Variants in SEPTIN5 observed in about 807,000 individuals in gnomAD.
The protein encoded by SEPTIN5 is septin-5.
In SEPTIN5, 16 loss-of-function variants were observed where a neutral mutation model predicts 51.2. That is an observed-to-expected ratio of 0.31 (90% CI 0.21 to 0.47). SEPTIN5 has a LOEUF of 0.47. Ranked by LOEUF, SEPTIN5 falls within the 20% of genes least tolerant of loss-of-function variation. The pLI is 0.99. For missense variants in SEPTIN5, 376 were observed against 500.3 expected (o/e 0.75, Z 2.37); for synonymous variants, 208 against 191.2 (o/e 1.09, Z -0.72).
chr22:19,721,533 T>C, intron 8 of SEPTIN5, 107 bp from the exon 9 acceptor site: 2 of 1,185,560 alleles, frequency 1.7e-6, no homozygotes, highest in South Asian at 2.7e-5. Context: ...GGAGAGATAG[T>C]TGATGGTGAT....
At chr22:19,718,715 C>T in intron 2 of SEPTIN5, 1 of 1,254,072 alleles carries the variant, frequency 8.0e-7, no homozygotes, top group Non-Finnish European at 1.0e-6. Context: ...GAGCGTGCCC[C>T]CGGGCCTGGG....
At position 19,722,626 on chromosome 22, in the gene SEPTIN5, A is replaced by AT; in HGVS notation, c.*144dup. 1 of 893,234 alleles carries AT rather than the reference A, an allele frequency of 1.1e-6. No individual in the cohort carries two copies. The highest frequency in any genetic ancestry group is 1.7e-6 in the Non-Finnish European group (1 of 580,658). 55.3% of individuals were successfully genotyped at this position (893,234 alleles called of 1,614,324 possible). A position where few individuals can be genotyped will look rare whatever the true frequency, so the allele number is the denominator to read the frequency against. On this transcript the variant is annotated 3_prime_UTR_variant, in exon 12 of 12. Transcript: ENST00000455784. ...TCTCAGCACCACCCCCTCCCAGGTC[A>AT]TTGTGTCTGTTTCCGAGGGGCCTGG... is the stretch of plus-strand genomic sequence containing the variant.
Position 19,722,556 on chromosome 22 carries a change from G to A in SEPTIN5, c.*72G>A, listed in dbSNP as rs534742584. ...CTGGACACCAGACCGGACTGTTCCC[G>A]ACCCGGAGACGCGGGGCCACAGCCC... On this transcript the variant is annotated 3_prime_UTR_variant, in exon 12 of 12. Transcript: ENST00000455784. 1.3e-5 allele frequency: 20 copies of A among 1,489,696 alleles called. No homozygotes were observed. Among genetic ancestry groups the A allele is most frequent in the Non-Finnish European group, 3.7e-6 (4 of 1,094,676 alleles). The allele number at this position is 1,489,696 out of a possible 1,614,324, so 92.3% of individuals were successfully genotyped here. A position where few individuals can be genotyped will look rare whatever the true frequency, so the allele number is the denominator to read the frequency against.
At chr22:19,719,721 GGGA>G in intron 3 of SEPTIN5, 23 bp downstream of exon 3, 1 of 1,612,254 alleles carries the variant, frequency 6.2e-7, no homozygotes, top group Non-Finnish European at 8.5e-7. Flanking sequence ...GGCTCCTCGG[GGGA>G]GTGGCTGGGG....
Position 19,720,929 on chromosome 22 carries a change from G to A in SEPTIN5, c.717+60G>A, listed in dbSNP as rs1601243450. The A allele has an allele frequency of 1.7e-5, 25 of 1,453,194 alleles. No homozygotes were observed. In the East Asian group the frequency reaches 5.5e-4, roughly 32 times the overall value. 90.0% of individuals were successfully genotyped at this position (1,453,194 alleles called of 1,614,324 possible). The stretch of plus-strand genomic sequence containing the variant: ...AGCTGGTGAGGGGCAGAACCAGAGG[G>A]CTTTGTCTCCTTCACATTGAGCCTG... On this transcript the variant is annotated intron_variant, in intron 8 of 11. Coordinates refer to ENST00000455784, the MANE Select transcript of SEPTIN5 (RefSeq NM_002688.6).
chr22:19,721,803 A>G lies in SEPTIN5; in HGVS notation c.815-19A>G. Reference sequence around the variant, plus strand: ...TGTCCTGGGCCGGCGCCAGCCCACTACCCACCCCCACCCCGCAGTGGAGAA... The same window carrying G: ...TGTCCTGGGCCGGCGCCAGCCCACTGCCCACCCCCACCCCGCAGTGGAGAA... On this transcript the variant is annotated intron_variant, in intron 9 of 11. Coordinates refer to ENST00000455784, the MANE Select transcript of SEPTIN5 (RefSeq NM_002688.6). The G allele has an allele frequency of 1.9e-6, 3 of 1,561,976 alleles. No homozygotes were observed. The highest frequency in any genetic ancestry group is 2.6e-6 in the Non-Finnish European group (3 of 1,138,874).
At chr22:19,718,960 GC>G in intron 2 of SEPTIN5, 1 of 742,770 alleles carries the variant, frequency 1.3e-6, no homozygotes, top group Non-Finnish European at 1.8e-6. Context: ...CAGGTCCGCG[GC>G]CCCACGGTGG....
chr22:19,719,047 A>G (rs987397670), intron 2 of SEPTIN5: 5 of 394,800 alleles, frequency 1.3e-5, no homozygotes, highest in Non-Finnish European at 2.1e-5. Flanking sequence ...GGACCCCTCC[A>G]GGGGCCCCAA....
chr22:19,721,944 C>T lies in SEPTIN5; in HGVS notation c.937C>T (p.Gln313Ter). The change falls in exon 10 of 12, where the codon CAG becomes TAG. Residue 313 changes from glutamine to a stop codon, truncating the protein, a stop_gained. Transcript: ENST00000455784. LOFTEE classifies it high-confidence loss of function. ...HYENYRAHCIQQMTSKLTQDS... is the reference protein window; with the variant it reads ...HYENYRAHCI ...CGAGAACTACCGCGCGCACTGCATC[C>T]AGCAGATGACCAGGTGCGCGCCCCA... 1 of 1,608,894 alleles carries T rather than the reference C, an allele frequency of 6.2e-7. No individual in the cohort carries two copies. The highest frequency in any genetic ancestry group is 8.5e-7 in the Non-Finnish European group (1 of 1,177,750).
chr22:19,722,211 C>A, intron 10 of SEPTIN5, 26 bp from the exon 11 acceptor site: 1 of 1,453,228 alleles, frequency 6.9e-7, no homozygotes, highest in Non-Finnish European at 9.4e-7. Flanking sequence ...CGCCGCCCCG[C>A]CCATCCTCCC....
chr22:19,721,287 A>G (rs1204511131), intron 8 of SEPTIN5, among the ~76,000 whole-genome samples: 2 of 152,162 alleles, frequency 1.3e-5, no homozygotes, highest in Non-Finnish European at 2.9e-5. Flanking sequence ...GATGATGGAG[A>G]CCATGCCAGG....
chr22:19,717,845 T>TATACACGCGCACACACGC (rs1173777435), intron 2 of SEPTIN5: 12 of 184,408 alleles, frequency 6.5e-5, no homozygotes, highest in African/African-American at 2.9e-4. Context: ...TACACGCATG[T>TATACACGCGCACACACGC]ATACACGCGC....
chr22:19,719,347 G>A, intron 2 of SEPTIN5: 1 of 476,310 alleles, frequency 2.1e-6, no homozygotes, highest in East Asian at 3.7e-5. Context: ...TCTCCCCACG[G>A]AATAAATACA....
chr22:19,719,737 A>C (rs1601241477), intron 3 of SEPTIN5, 39 bp downstream of exon 3: 1 of 1,610,304 alleles, frequency 6.2e-7, no homozygotes, highest in East Asian at 2.2e-5. Context: ...GGCTGGGGTC[A>C]CTGGCCAGCC....
At chr22:19,718,378 C>A (rs1014560567) in intron 2 of SEPTIN5, 31 of 1,014,746 alleles carry the variant, frequency 3.1e-5, no homozygotes, top group Non-Finnish European at 3.4e-5. Flanking sequence ...TCCAGGCGAC[C>A]GTTTCCCGGC....
Position 19,721,591 on chromosome 22 carries a change from C to A in SEPTIN5, c.718-49C>A, listed in dbSNP as rs758367570. 9 of 1,597,688 alleles carry A rather than the reference C, an allele frequency of 5.6e-6. No homozygotes were observed. In the East Asian group the frequency reaches 1.8e-4, roughly 32 times the overall value. On this transcript the variant is annotated intron_variant, in intron 8 of 11. Transcript: ENST00000455784. ...TACATGCCCGTTTCCCATCAGTAAC[C>A]GTGCAATTACGCTCACCGGGTGTGA...
Position 19,720,341 on chromosome 22 carries a change from T to C in SEPTIN5, c.384T>C (p.Tyr128=), listed in dbSNP as rs1936002697. The change falls in exon 6 of 12, where the codon TAT becomes TAC. Residue 128 remains tyrosine (Y), a synonymous_variant. Coordinates refer to ENST00000455784, the MANE Select transcript of SEPTIN5 (RefSeq NM_002688.6). The part of the protein sequence containing the change: ...NTECWKPITD[Y]VDQQFEQYFR... ...ACAGCTGGAAGCCCATCACCGACTA[T>C]GTGGACCAGCAGTTTGAGCAGTACT... The C allele has an allele frequency of 6.2e-6, 10 of 1,613,894 alleles. No homozygotes were observed. Among genetic ancestry groups the C allele is most frequent in the Non-Finnish European group, 6.8e-6 (8 of 1,179,990 alleles).
rs376768096 is a variant in SEPTIN5 at position 19,721,569 on chromosome 22, A to AT, written c.718-70dup. 2.9e-5 allele frequency: 45 copies of AT among 1,536,240 alleles called. No individual in the cohort carries two copies. The African/African-American group carries it at 4.5e-4, about 15-fold the overall frequency. ...GCTGGAGGGGTGCCCCGGGAGTTACATGCCCGTTTCCCATCAGTAACCGTG... is the reference window on the plus strand; with the variant it reads ...GCTGGAGGGGTGCCCCGGGAGTTACATTGCCCGTTTCCCATCAGTAACCGTG... On this transcript the variant is annotated intron_variant, in intron 8 of 11. Coordinates refer to ENST00000455784, the MANE Select transcript of SEPTIN5 (RefSeq NM_002688.6).
At chr22:19,716,060 C>A (rs564986997) in intron 2 of SEPTIN5, among the ~76,000 whole-genome samples, 8 of 152,364 alleles carry the variant, frequency 5.3e-5, no homozygotes, top group Admixed American at 3.3e-4. Flanking sequence ...CTGTTGGGTG[C>A]AGCCAGGTTC....
Sources: allele counts gnomAD v4.1 joint callset (sites outside exome capture counted in the v4.1 genomes callset), GRCh38; gene constraint gnomAD v4.1.1; transcripts MANE v1.5; gene names NCBI Gene and HGNC (gene_info 2026-07-23, HGNC 2026-07-21).